LRIG3: variants seen among roughly 807,000 people sequenced by gnomAD.
LRIG3 encodes leucine-rich repeats and immunoglobulin-like domains protein 3.
A neutral mutation model predicts 114.5 loss-of-function variants in LRIG3; 76 were observed. The ratio of observed to expected loss-of-function variants is 0.66; its 90% CI spans 0.55 to 0.80. The LOEUF is 0.80. LRIG3 is among the 30% of genes least tolerant of loss of function. LRIG3 has a pLI of 0.00. For missense variants in LRIG3, 1,239 were observed against 1,382.8 expected (o/e 0.90, Z 1.65); for synonymous variants, 512 against 519.8 (o/e 0.98, Z 0.20).
At chr12:58,912,560 T>C (rs944894603) in intron 3 of LRIG3, among the ~76,000 whole-genome samples, 1 of 152,178 alleles carries the variant, frequency 6.6e-6, no homozygotes, top group Non-Finnish European at 1.5e-5. Context: ...AAGTTCTTAA[T>C]GCTCTCAACG....
rs781635689 is a variant in LRIG3, at chr12:58,890,072, G to C, written c.583C>G (p.Leu195Val). 12 of 1,613,904 alleles carry C rather than the reference G, an allele frequency of 7.4e-6. No homozygotes were observed. In the South Asian group the frequency reaches 1.2e-4, roughly 16 times the overall value. Reference protein sequence around the residue: ...GYFDNLANTLLVLKLNRNRIS... With the variant: ...GYFDNLANTLVVLKLNRNRIS... ...CGGTTCCTGTTCAGCTTTAACACAA[G>C]GAGTGTGTTGGCCAAATTGTCAAAA... The change falls in exon 5 of 19, where the codon CTT becomes GTT. Residue 195 changes from leucine (L) to valine (V), a missense_variant. Leu to Val is a conservative substitution (Grantham distance 32, BLOSUM62 1). Coordinates refer to ENST00000320743, the MANE Select transcript of LRIG3 (RefSeq NM_153377.5).
chr12:58,875,938 G>C (rs1318254753), intron 16 of LRIG3, among the ~76,000 whole-genome samples: 1 of 152,216 alleles, frequency 6.6e-6, no homozygotes, highest in Non-Finnish European at 1.5e-5. Flanking sequence ...TGTAGTCCCA[G>C]TTACTTGGGA....
intron 10 of LRIG3, among the ~76,000 whole-genome samples, chr12:58,884,391 G>A (rs2120896184): frequency 6.6e-6 from 1 of 152,272 alleles, no homozygotes; most frequent in South Asian, 2.1e-4. Flanking sequence ...TGAGACAAGT[G>A]GGAAGAGAAG....
At position 58,878,991 on chromosome 12, in the gene LRIG3, T is replaced by C. The variant is rs1565614115; in HGVS notation, c.1916A>G (p.Asp639Gly). Residue 639 changes from aspartate (D) to glycine (G), a missense_variant, in exon 14 of 19, where the codon GAT becomes GGT. Asp to Gly is a moderately conservative substitution (Grantham distance 94). Coordinates refer to ENST00000320743, the MANE Select transcript of LRIG3 (RefSeq NM_153377.5). Reference sequence around the variant, plus strand: ...TGCAGCTGGGAAGTCTGTGCCCCCATCCTTCTGCCAGGCTATCTGGGGGGC... The same window carrying C: ...TGCAGCTGGGAAGTCTGTGCCCCCACCCTTCTGCCAGGCTATCTGGGGGGC... ...HPAPQIAWQK[D>G]GGTDFPAARE... The C allele has an allele frequency of 4.3e-6, 7 of 1,614,034 alleles. No individual in the cohort carries two copies. The highest frequency in any genetic ancestry group is 5.9e-6 in the Non-Finnish European group (7 of 1,180,024).
chr12:58,905,039 G>A (rs369178251), intron 3 of LRIG3, among the ~76,000 whole-genome samples: 29 of 152,178 alleles, frequency 1.9e-4, no homozygotes, highest in African/African-American at 6.8e-4. Flanking sequence ...AAATACGTAT[G>A]CAAAAGAACA....
chr12:58,889,681 T>A (rs1284819279), intron 5 of LRIG3, among the ~76,000 whole-genome samples: 1 of 152,136 alleles, frequency 6.6e-6, no homozygotes, highest in Non-Finnish European at 1.5e-5. Context: ...ATTATTCTCA[T>A]AAACCACAGC....
chr12:58,880,093 G>A (rs547064853), intron 13 of LRIG3, among the ~76,000 whole-genome samples: 14 of 152,214 alleles, frequency 9.2e-5, no homozygotes, highest in South Asian at 2.1e-4. Flanking sequence ...TCAGGCGTTC[G>A]AGACCAGCCT....
chr12:58,896,216 C>T (rs893208633), intron 3 of LRIG3, among the ~76,000 whole-genome samples: 3 of 152,166 alleles, frequency 2.0e-5, no homozygotes, highest in African/African-American at 7.2e-5. Context: ...TAAATCTGGA[C>T]CAAATTAACA....
At chr12:58,918,673 C>T (rs982569679) in intron 1 of LRIG3, among the ~76,000 whole-genome samples, 2 of 152,188 alleles carry the variant, frequency 1.3e-5, no homozygotes, top group African/African-American at 4.8e-5. Context: ...GGCAGCATGA[C>T]CTCCACAAGA....
chr12:58,899,958 TG>T (rs1199321377), intron 3 of LRIG3, among the ~76,000 whole-genome samples: 1 of 152,206 alleles, frequency 6.6e-6, no homozygotes, highest in Non-Finnish European at 1.5e-5. Flanking sequence ...AACTGAGGGC[TG>T]GGGGTGTTGC....
At chr12:58,905,908 T>G (rs1042403496) in intron 3 of LRIG3, among the ~76,000 whole-genome samples, 2 of 152,200 alleles carry the variant, frequency 1.3e-5, no homozygotes, top group African/African-American at 4.8e-5. Flanking sequence ...AAAGACTCTA[T>G]AGGTATTCTG....
rs1189992246 is a variant in LRIG3 at position 58,872,602 on chromosome 12, T to A, written c.3330A>T (p.Pro1110=). ...TGTCCAAGTCATAAGACTGAAAATTTGGAGTCCTGTAGTTTTCTAAAGTCT... is the reference window on the plus strand; with the variant it reads ...TGTCCAAGTCATAAGACTGAAAATTAGGAGTCCTGTAGTTTTCTAAAGTCT... ...FKQTLENYRT[P]NFQSYDLDT Residue 1110 remains proline (P), a synonymous_variant, in exon 19 of 19, where the codon CCA becomes CCT. Coordinates refer to ENST00000320743, the MANE Select transcript of LRIG3 (RefSeq NM_153377.5). The A allele has an allele frequency of 4.3e-6, 7 of 1,613,782 alleles. No homozygotes were observed. Among genetic ancestry groups the A allele is most frequent in the Non-Finnish European group, 8.5e-7 (1 of 1,179,838 alleles).
chr12:58,915,482 T>C (rs972428047), intron 1 of LRIG3, among the ~76,000 whole-genome samples: 10 of 152,180 alleles, frequency 6.6e-5, no homozygotes, highest in African/African-American at 2.2e-4. Flanking sequence ...AGTTAACAAT[T>C]AGAAATCAGA....
At chr12:58,877,332 T>G (rs1271600580) in intron 15 of LRIG3, 68 bp downstream of exon 15, 1 of 1,484,366 alleles carries the variant, frequency 6.7e-7, no homozygotes, top group East Asian at 2.3e-5. Flanking sequence ...ACACACGTTC[T>G]AGAAGTATTT....
chr12:58,896,529 T>C (rs1347539303), intron 3 of LRIG3, among the ~76,000 whole-genome samples: 1 of 152,224 alleles, frequency 6.6e-6, no homozygotes, highest in African/African-American at 2.4e-5. Flanking sequence ...AGCTGTCTCC[T>C]ACCTAGTACA....
chr12:58,899,430 A>G (rs1036818031), intron 3 of LRIG3, among the ~76,000 whole-genome samples: 37 of 151,748 alleles, frequency 2.4e-4, no homozygotes, highest in Admixed American at 1.7e-3. Context: ...CATGACTTCC[A>G]TACCTTTGTT....
At chr12:58,898,722 G>C (rs149682341) in intron 3 of LRIG3, among the ~76,000 whole-genome samples, 2 of 150,872 alleles carry the variant, frequency 1.3e-5, no homozygotes, top group East Asian at 1.9e-4. Flanking sequence ...GCAGTGGCAC[G>C]ATCTCGGCTC....
At position 58,883,614 on chromosome 12, in the gene LRIG3, G is replaced by A. The variant is rs1196807152; in HGVS notation, c.1245-23C>T. 2.0e-6 allele frequency: 3 copies of A among 1,514,592 alleles called. No homozygotes were observed. In the Admixed American group the frequency reaches 5.2e-5, roughly 26 times the overall value. The allele number at this position is 1,514,592 out of a possible 1,614,324, so 93.8% of individuals were successfully genotyped here. ...TCTCTGAAAAATCACCAAATCAAAT[G>A]CATCAGAGCAAACTACCATCATTTC... On this transcript the variant is annotated intron_variant, in intron 10 of 18. Coordinates refer to ENST00000320743, the MANE Select transcript of LRIG3 (RefSeq NM_153377.5).
chr12:58,918,507 G>A (rs1169200644), intron 1 of LRIG3, among the ~76,000 whole-genome samples: 1 of 152,196 alleles, frequency 6.6e-6, no homozygotes, highest in Non-Finnish European at 1.5e-5. Context: ...ATACAAGTTA[G>A]ATGCCGTGAA....
Sources: gnomAD v4.1 joint callset for allele counts (sites outside exome capture counted in the v4.1 genomes callset) on GRCh38, gnomAD v4.1.1 for gene constraint, MANE v1.5 for transcripts, NCBI Gene and HGNC (gene_info 2026-07-23, HGNC 2026-07-21) for gene names.